PPFIA3: variants seen among roughly 807,000 people sequenced by gnomAD.
PPFIA3 encodes liprin-alpha-3.
In PPFIA3, 26 loss-of-function variants were observed where a neutral mutation model predicts 145.8. That is an observed-to-expected ratio of 0.18 (90% CI 0.13 to 0.25). The LOEUF (loss-of-function observed/expected upper bound fraction) is 0.25, where lower values mean the gene tolerates loss of function less well. Among genes scored for constraint, PPFIA3 ranks in the 10% least tolerant of loss-of-function variants. The pLI is 1.00. For missense variants in PPFIA3, 1,008 were observed against 1,587.8 expected (o/e 0.63, Z 6.21); for synonymous variants, 645 against 661.4 (o/e 0.98, Z 0.38).
chr19:49,139,639 A>C (rs764502312), intron 16 of PPFIA3, 29 bp from the exon 17 acceptor site: 2 of 1,538,366 alleles, frequency 1.3e-6, no homozygotes, highest in Non-Finnish European at 1.7e-6. Flanking sequence ...CTTTGAACTC[A>C]ATCCAGCATC....
At chr19:49,141,621 GGTGTGTGA>G (rs1162991748) in intron 19 of PPFIA3, 108 bp downstream of exon 19, 2 of 741,256 alleles carry the variant, frequency 2.7e-6, no homozygotes, top group Non-Finnish European at 4.2e-6. Flanking sequence ...TGTGTGAGAG[GGTGTGTGA>G]GTGTGTGTGT....
intron 1 of PPFIA3, 89 bp from the exon 2 acceptor site, chr19:49,127,770 C>T (rs2041020471): frequency 1.4e-6 from 2 of 1,478,648 alleles, no homozygotes; most frequent in South Asian, 1.2e-5. Context: ...CCAACTATTT[C>T]CCCTACGTGG....
In PPFIA3 at chr19:49,128,479, T is replaced by A; in HGVS notation, c.342+11T>A. 6.3e-7 allele frequency: 1 copy of A among 1,581,886 alleles called. No individual in the cohort carries two copies. The highest frequency in any genetic ancestry group is 8.6e-7 in the Non-Finnish European group (1 of 1,163,982). ...CGGAACAACACGCGGGTGAGGGGTG[T>A]TGAGGGCGGGGCCTAAGTGGGGGCG... On this transcript the variant is annotated intron_variant, in intron 3 of 29. Transcript: ENST00000334186. The surrounding 1 kb of genome is among the most constrained non-coding windows in gnomAD (Gnocchi z 4.1).
At chr19:49,139,921 C>T (rs1009144093) in intron 17 of PPFIA3, 40 bp from the exon 18 acceptor site, 2 of 1,613,582 alleles carry the variant, frequency 1.2e-6, no homozygotes, top group African/African-American at 2.7e-5. Flanking sequence ...GAGGGGGCAT[C>T]TCAGCAAGCA....
chr19:49,142,200 G>A, intron 20 of PPFIA3, 85 bp downstream of exon 20: 3 of 1,288,426 alleles, frequency 2.3e-6, no homozygotes, highest in African/African-American at 1.5e-5. Flanking sequence ...TCCTCCTGGC[G>A]CACCCTGCTT....
In PPFIA3 at chr19:49,130,023, C is replaced by G. The variant is rs778421043; in HGVS notation, c.613C>G (p.Arg205Gly). Residue 205 changes from arginine (R) to glycine (G), a missense_variant, in exon 6 of 30, where the codon CGG becomes GGG. Arg to Gly is a moderately radical substitution (Grantham distance 125, BLOSUM62 -2). Coordinates refer to ENST00000334186, the MANE Select transcript of PPFIA3 (RefSeq NM_003660.4). This position sits in a 1 kb window ranked among gnomAD's most constrained non-coding sequence, Gnocchi z 4.5. ...GAACCTTCGAGAACAGCTGTCTAGG[C>G]GGCGGTCAGGGCTGGAAGAGCCGGG... The part of the protein sequence containing the change: ...TLNLREQLSR[R>G]RSGLEEPGKD... The G allele has an allele frequency of 1.1e-5, 18 of 1,613,558 alleles. No individual in the cohort carries two copies. The highest frequency in any genetic ancestry group is 1.5e-5 in the Non-Finnish European group (18 of 1,179,836).
intron 22 of PPFIA3, 58 bp from the exon 23 acceptor site, chr19:49,146,108 C>T: frequency 2.5e-6 from 4 of 1,610,966 alleles, no homozygotes; most frequent in South Asian, 2.2e-5. Flanking sequence ...TCCTTGCGTC[C>T]TCCTCTGCCT....
rs1277307545 is a variant in PPFIA3, at chr19:49,128,185, G to A, written c.240+72G>A. The stretch of plus-strand genomic sequence containing the variant: ...GGAAGAAGGCGGTCCGGAAGGGGCC[G>A]GGCTTGGCGCCTGGAAGGGAGGAGT... On this transcript the variant is annotated intron_variant, in intron 2 of 29. Coordinates refer to ENST00000334186, the MANE Select transcript of PPFIA3 (RefSeq NM_003660.4). The surrounding 1 kb of genome is among the most constrained non-coding windows in gnomAD (Gnocchi z 4.1). 1.4e-6 allele frequency: 2 copies of A among 1,463,330 alleles called. No individual in the cohort carries two copies. Among genetic ancestry groups the A allele is most frequent in the African/African-American group, 1.4e-5 (1 of 71,160 alleles). 90.6% of individuals were successfully genotyped at this position (1,463,330 alleles called of 1,614,324 possible).
chr19:49,147,343 C>A (rs1022771594), intron 23 of PPFIA3, among the ~76,000 whole-genome samples: 2 of 152,052 alleles, frequency 1.3e-5, no homozygotes, highest in African/African-American at 2.4e-5. Context: ...CTTGAGCCCA[C>A]GAAGCTGAGG....
intron 13 of PPFIA3, among the ~76,000 whole-genome samples, chr19:49,135,152 G>A (rs772478771): frequency 4.0e-5 from 6 of 150,942 alleles, no homozygotes; most frequent in Non-Finnish European, 7.4e-5. Flanking sequence ...AGCGATTCTC[G>A]TGCCTCAGCC....
At chr19:49,142,217 C>T in intron 20 of PPFIA3, 102 bp downstream of exon 20, 1 of 1,151,784 alleles carries the variant, frequency 8.7e-7, no homozygotes, top group Non-Finnish European at 1.2e-6. Flanking sequence ...GCTTCTAGCC[C>T]AGAGGTGGGG....
Position 49,141,597 on chromosome 19 carries a change from TATGA to T in PPFIA3, c.2462+85_2462+88del, listed in dbSNP as rs1354434893. The T allele has an allele frequency of 2.3e-4, 253 of 1,098,046 alleles. 1 individual carries two copies. In the African/African-American group the frequency reaches 3.8e-3, roughly 16 times the overall value. The allele number at this position is 1,098,046 out of a possible 1,614,324, so 68.0% of individuals were successfully genotyped here. A position where few individuals can be genotyped will look rare whatever the true frequency, so the allele number is the denominator to read the frequency against. On this transcript the variant is annotated intron_variant, in intron 19 of 29. Transcript: ENST00000334186. ...GTGTGTGTGTGCGTGTATGTGTGTGTATGAGTGTGTGTGTGTGTGAGAGGGTGTG... is the reference window on the plus strand; with the variant it reads ...GTGTGTGTGTGCGTGTATGTGTGTGTGTGTGTGTGTGTGTGAGAGGGTGTG...
chr19:49,121,362 T>G (rs1197961880), intron 1 of PPFIA3, among the ~76,000 whole-genome samples: 2 of 152,130 alleles, frequency 1.3e-5, no homozygotes, highest in African/African-American at 2.4e-5. Context: ...CAGGCTGGAG[T>G]GCACTGGCAC....
chr19:49,136,415 G>T (rs962505486), intron 14 of PPFIA3, among the ~76,000 whole-genome samples: 5 of 152,066 alleles, frequency 3.3e-5, no homozygotes, highest in African/African-American at 1.2e-4. Flanking sequence ...TTGCCAAAAT[G>T]GCATCGCTAC....
At chr19:49,124,598 T>C (rs62127935) in intron 1 of PPFIA3, among the ~76,000 whole-genome samples, 2,610 of 152,308 alleles carry the variant, frequency 0.017, 44 homozygotes, top group Non-Finnish European at 0.028. Flanking sequence ...CCCCAAGCCA[T>C]TGAAAGCGTG....
rs575601438 is a variant in PPFIA3 at position 49,149,351 on chromosome 19, C to T, written c.3354+26C>T. 37 of 1,612,656 alleles carry T rather than the reference C, an allele frequency of 2.3e-5. No homozygotes were observed. Among genetic ancestry groups the T allele is most frequent in the Non-Finnish European group, 2.8e-5 (33 of 1,179,052 alleles). ...GTGGGCGCGGCAACAGCTCAGAGGGCTCTGCTCCCAGCGGCTCCTCGAGAG... is the reference window on the plus strand; with the variant it reads ...GTGGGCGCGGCAACAGCTCAGAGGGTTCTGCTCCCAGCGGCTCCTCGAGAG... On this transcript the variant is annotated intron_variant, in intron 27 of 29. Transcript: ENST00000334186. The surrounding 1 kb of genome is among the most constrained non-coding windows in gnomAD (Gnocchi z 5.7).
intron 7 of PPFIA3, among the ~76,000 whole-genome samples, chr19:49,132,343 C>G (rs548466817): frequency 5.2e-5 from 7 of 134,546 alleles, no homozygotes; most frequent in Admixed American, 4.9e-4. Flanking sequence ...GAGCCGAGAT[C>G]GCACCACTGC....
At position 49,150,032 on chromosome 19, in the gene PPFIA3, C is replaced by A. The variant is rs370905941; in HGVS notation, c.3527-48C>A. ...CAAAGGGAGGAATCCTGGAGAGGAA[C>A]AGGGAGGAGGGTGCTCCAGGCTGAA... On this transcript the variant is annotated intron_variant, in intron 28 of 29. Transcript: ENST00000334186. The A allele has an allele frequency of 9.4e-5, 147 of 1,569,606 alleles. No individual in the cohort carries two copies. In the African/African-American group the frequency reaches 1.8e-3, roughly 19 times the overall value.
At position 49,149,720 on chromosome 19, in the gene PPFIA3, TG is replaced by T. The variant is rs747164598; in HGVS notation, c.3526+8del. The T allele has an allele frequency of 1.2e-6, 2 of 1,600,228 alleles. No homozygotes were observed. Among genetic ancestry groups the T allele is most frequent in the Non-Finnish European group, 1.7e-6 (2 of 1,173,898 alleles). Reference sequence around the variant, plus strand: ...CTCTCCGCAAGCTGCAGCCAGAAGGTGGGGGGCTCCCAAATGCGACAGCCCT... The same window carrying T: ...CTCTCCGCAAGCTGCAGCCAGAAGGTGGGGGCTCCCAAATGCGACAGCCCT... On this transcript the variant is annotated splice_donor_region_variant and intron_variant, in intron 28 of 29. Coordinates refer to ENST00000334186, the MANE Select transcript of PPFIA3 (RefSeq NM_003660.4). This position sits in a 1 kb window ranked among gnomAD's most constrained non-coding sequence, Gnocchi z 5.7.
Sources: gnomAD v4.1 joint callset for allele counts (sites outside exome capture counted in the v4.1 genomes callset) on GRCh38, gnomAD v4.1.1 for gene constraint, Gnocchi (gnomAD v3.1) non-coding constraint, MANE v1.5 for transcripts, NCBI Gene and HGNC (gene_info 2026-07-23, HGNC 2026-07-21) for gene names.